RARB: variants seen among roughly 807,000 people sequenced by gnomAD.
RARB encodes retinoic acid receptor beta.
RARB carries 17 observed loss-of-function variants against 51.9 expected under a neutral mutation model. The observed-to-expected ratio is 0.33, with a 90% CI of 0.22 to 0.49. The LOEUF (loss-of-function observed/expected upper bound fraction) is 0.49, where lower values mean the gene tolerates loss of function less well. Ranked by LOEUF, RARB falls within the 20% of genes least tolerant of loss-of-function variation. RARB has a pLI of 0.99. For synonymous variants in RARB, 215 were observed against 195.4 expected (o/e 1.10, Z -0.84); for missense variants, 369 against 550.8 (o/e 0.67, Z 3.30).
chr3:24,974,846 T>A (rs1696477460), intron 2 of RARB, among the ~76,000 whole-genome samples: 1 of 152,298 alleles, frequency 6.6e-6, no homozygotes, highest in Non-Finnish European at 1.5e-5. Context: ...TCTTTAGACA[T>A]AGCCGGAAGC....
At chr3:25,108,947 G>A (rs978501472) in intron 3 of RARB, among the ~76,000 whole-genome samples, 2 of 152,128 alleles carry the variant, frequency 1.3e-5, no homozygotes, top group African/African-American at 4.8e-5. Context: ...CATGCAAACA[G>A]TGGGCTGTAG....
At chr3:24,902,185 A>G (rs1703622826) in intron 2 of RARB, among the ~76,000 whole-genome samples, 1 of 152,236 alleles carries the variant, frequency 6.6e-6, no homozygotes, top group South Asian at 2.1e-4. Context: ...TCTGAGAAGC[A>G]GCAGATCTAG....
At chr3:25,233,872 CATT>C (rs1269622246) in intron 5 of RARB, among the ~76,000 whole-genome samples, 3 of 151,382 alleles carry the variant, frequency 2.0e-5, no homozygotes, top group African/African-American at 7.3e-5. Context: ...TTAATGCCAT[CATT>C]AACTTCATTG....
intron 5 of RARB, among the ~76,000 whole-genome samples, chr3:25,305,289 A>C (rs1323568410): frequency 6.6e-6 from 1 of 152,072 alleles, no homozygotes; most frequent in Non-Finnish European, 1.5e-5. Context: ...AAAGAGAAAA[A>C]GGCTGGAGCC....
chr3:25,076,216 C>A (rs1176944973), intron 3 of RARB, among the ~76,000 whole-genome samples: 2 of 151,856 alleles, frequency 1.3e-5, no homozygotes, highest in Non-Finnish European at 2.9e-5. Context: ...ATCTGGCTCA[C>A]CGCAAGCTCC....
intron 5 of RARB, among the ~76,000 whole-genome samples, chr3:25,305,097 A>G (rs955531077): frequency 6.6e-6 from 1 of 152,146 alleles, no homozygotes; most frequent in Non-Finnish European, 1.5e-5. Context: ...CCCATCCTCT[A>G]CACCACTGCC....
chr3:25,312,439 C>T (rs1440563004), intron 5 of RARB, among the ~76,000 whole-genome samples: 4 of 151,914 alleles, frequency 2.6e-5, no homozygotes, highest in South Asian at 2.1e-4. Flanking sequence ...ATAAGCAGCA[C>T]GTCAGGACTG....
chr3:25,340,635 A>C (rs1421782990), intron 5 of RARB, among the ~76,000 whole-genome samples: 2 of 152,212 alleles, frequency 1.3e-5, no homozygotes, highest in African/African-American at 4.8e-5. Flanking sequence ...CAAAGCAGGA[A>C]ATAAATACTT....
intron 5 of RARB, among the ~76,000 whole-genome samples, chr3:25,343,668 A>G (rs1020920672): frequency 3.9e-5 from 6 of 152,190 alleles, no homozygotes; most frequent in Admixed American, 3.3e-4. Flanking sequence ...TTGATACACT[A>G]ATGTATGTTG....
At chr3:25,506,189 G>A (rs765009191) in intron 3 of RARB, among the ~76,000 whole-genome samples, 12 of 144,172 alleles carry the variant, frequency 8.3e-5, no homozygotes, top group Non-Finnish European at 1.5e-4. Flanking sequence ...GGAGGCGGAG[G>A]TTGCAATAAG....
chr3:24,929,036 T>A (rs965090596), intron 2 of RARB, among the ~76,000 whole-genome samples: 2 of 152,074 alleles, frequency 1.3e-5, no homozygotes, highest in Non-Finnish European at 2.9e-5. Flanking sequence ...AAATGTCTAT[T>A]GTGTTTTAAA....
chr3:24,934,111 C>T (rs1232344051), intron 2 of RARB, among the ~76,000 whole-genome samples: 1 of 151,982 alleles, frequency 6.6e-6, no homozygotes, highest in Non-Finnish European at 1.5e-5. Flanking sequence ...TGTTATTTTG[C>T]CAAGAGGTAT....
chr3:25,276,327 T>C (rs1007280453), intron 5 of RARB, among the ~76,000 whole-genome samples: 1 of 152,214 alleles, frequency 6.6e-6, no homozygotes, highest in African/African-American at 2.4e-5. Flanking sequence ...TACAGGTCTT[T>C]AGCCCGTTAT....
intron 5 of RARB, among the ~76,000 whole-genome samples, chr3:25,411,149 A>G (rs556030664): frequency 4.1e-4 from 62 of 152,312 alleles, no homozygotes; most frequent in African/African-American, 1.4e-3. Flanking sequence ...TTAATAATAT[A>G]TAGAAAAAAT....
chr3:25,274,264 A>T (rs1703324816), intron 5 of RARB, among the ~76,000 whole-genome samples: 1 of 152,202 alleles, frequency 6.6e-6, no homozygotes, highest in South Asian at 2.1e-4. Flanking sequence ...AGTGTTCAAA[A>T]TCCAGTGTGT....
intron 5 of RARB, among the ~76,000 whole-genome samples, chr3:25,372,243 T>C (rs1706322913): frequency 2.0e-5 from 3 of 152,220 alleles, no homozygotes; most frequent in Admixed American, 6.5e-5. Context: ...TCTGGATAAT[T>C]CTTTGCTGTG....
intron 5 of RARB, among the ~76,000 whole-genome samples, chr3:25,204,884 G>C (rs1406325463): frequency 2.1e-5 from 3 of 142,112 alleles, no homozygotes; most frequent in African/African-American, 7.4e-5. Flanking sequence ...GGACCCACTT[G>C]AGGAGGCAGC....
At chr3:25,087,726 T>C (rs1699128078) in intron 3 of RARB, among the ~76,000 whole-genome samples, 1 of 152,086 alleles carries the variant, frequency 6.6e-6, no homozygotes, top group Admixed American at 6.6e-5. Flanking sequence ...GTTTTACAGG[T>C]ACGAACAATT....
intron 3 of RARB, among the ~76,000 whole-genome samples, chr3:25,558,068 A>C (rs141521023): frequency 5.5e-4 from 84 of 152,288 alleles, no homozygotes; most frequent in African/African-American, 1.9e-3. Context: ...CAAATGAGCA[A>C]TTTTGGATTC....
Sources: allele counts gnomAD v4.1 joint callset (sites outside exome capture counted in the v4.1 genomes callset), GRCh38; gene constraint gnomAD v4.1.1; transcripts MANE v1.5; gene names NCBI Gene and HGNC (gene_info 2026-07-23, HGNC 2026-07-21).